Variants in SPAG17 observed in about 807,000 individuals in gnomAD.
The protein encoded by SPAG17 is sperm associated antigen 17.
In SPAG17, 169 loss-of-function variants were observed where a neutral mutation model predicts 273.6. The ratio of observed to expected loss-of-function variants is 0.62; its 90% confidence interval spans 0.55 to 0.70. The LOEUF (loss-of-function observed/expected upper bound fraction) is 0.70. Among genes scored for constraint, SPAG17 ranks in the 30% least tolerant of loss-of-function variants. The pLI is 0.00. For missense variants in SPAG17, 2,557 were observed against 2,627.8 expected (o/e 0.97, Z 0.59); for synonymous variants, 825 against 873.2 (o/e 0.94, Z 0.97).
At chr1:118,169,777 G>T (rs1660334060) in intron 1 of SPAG17, among the ~76,000 whole-genome samples, 1 of 151,960 alleles carries the variant, frequency 6.6e-6, no homozygotes, top group Non-Finnish European at 1.5e-5. Flanking sequence ...CCACTTTCCA[G>T]CCCTTTATAA....
chr1:118,175,021 C>CTTAT (rs5777342), intron 1 of SPAG17, among the ~76,000 whole-genome samples: 1 of 150,584 alleles, frequency 6.6e-6, no homozygotes, highest in African/African-American at 2.5e-5. Context: ...GAAGGGGACT[C>CTTAT]TTATTTATTT....
chr1:118,056,570 T>C (rs1202376355), intron 18 of SPAG17, among the ~76,000 whole-genome samples: 1 of 152,228 alleles, frequency 6.6e-6, no homozygotes, highest in East Asian at 1.9e-4. Flanking sequence ...TATACACTTA[T>C]ATGAACGTCC....
chr1:118,013,712 A>C (rs1253503042), intron 29 of SPAG17, among the ~76,000 whole-genome samples: 2 of 152,166 alleles, frequency 1.3e-5, no homozygotes, highest in African/African-American at 4.8e-5. Flanking sequence ...TTTACATATT[A>C]TGATTTAGAA....
At chr1:118,070,899 C>G (rs1413613471) in intron 17 of SPAG17, among the ~76,000 whole-genome samples, 4 of 152,188 alleles carry the variant, frequency 2.6e-5, no homozygotes, top group Non-Finnish European at 5.9e-5. Context: ...TGACTAGTGG[C>G]TACCACACTG....
intron 29 of SPAG17, among the ~76,000 whole-genome samples, chr1:118,014,640 A>G (rs1314728269): frequency 6.6e-6 from 1 of 152,234 alleles, no homozygotes; most frequent in Non-Finnish European, 1.5e-5. Context: ...AGATCATGTA[A>G]TCCATCTTAA....
In SPAG17 at chr1:117,992,490, T is replaced by C. The variant is rs1657208352; in HGVS notation, c.5337A>G (p.Lys1779=). 1 of 1,611,396 alleles carries C rather than the reference T, an allele frequency of 6.2e-7. No homozygotes were observed. Among genetic ancestry groups the C allele is most frequent in the African/African-American group, 1.3e-5 (1 of 74,680 alleles). Residue 1779 remains lysine, a synonymous_variant, in exon 36 of 49, where the codon AAA becomes AAG. Transcript: ENST00000336338. ...IQHEVIKNEV[K]LRLQVSLKDY... is the part of the protein sequence containing the mutation. ...CCTTAAGGGAAACCTGCAGCCTCAG[T>C]TTCACCTCATTCTTTATGACCTCAT...
intron 43 of SPAG17, among the ~76,000 whole-genome samples, chr1:117,978,407 T>G (rs1194468652): frequency 1.3e-5 from 2 of 152,344 alleles, no homozygotes; most frequent in South Asian, 2.1e-4. Flanking sequence ...CCAGATGCCA[T>G]GTTCTTCCAT....
At position 118,055,877 on chromosome 1, in the gene SPAG17, A is replaced by G. The variant is rs1003692082; in HGVS notation, c.2578T>C (p.Trp860Arg). 6.2e-7 allele frequency: 1 copy of G among 1,608,280 alleles called. No individual in the cohort carries two copies. The highest frequency in any genetic ancestry group is 8.5e-7 in the Non-Finnish European group (1 of 1,178,676). Residue 860 changes from tryptophan to arginine, a missense_variant, in exon 19 of 49, where the codon TGG becomes CGG. Transcript: ENST00000336338. Reference protein sequence around the residue: ...LELVAKSIQDWITKEEAIYQE... With the variant: ...LELVAKSIQDRITKEEAIYQE... The stretch of plus-strand genomic sequence containing the variant: ...TATATAGCTTCTTCTTTTGTAATCC[A>G]ATCTTGAATAGATTTTGCAACAAGT...
intron 13 of SPAG17, among the ~76,000 whole-genome samples, chr1:118,085,451 A>G (rs936483131): frequency 6.6e-6 from 1 of 152,212 alleles, no homozygotes; most frequent in Non-Finnish European, 1.5e-5. Flanking sequence ...ATGATAAAAG[A>G]GTGCAGTGGT....
chr1:118,154,404 T>C (rs1017315757), intron 1 of SPAG17, among the ~76,000 whole-genome samples: 1 of 152,076 alleles, frequency 6.6e-6, no homozygotes, highest in Non-Finnish European at 1.5e-5. Context: ...GATGCACTCA[T>C]TGTGAGCTGC....
intron 20 of SPAG17, among the ~76,000 whole-genome samples, chr1:118,042,291 C>T (rs966548439): frequency 6.6e-6 from 1 of 152,132 alleles, no homozygotes; most frequent in African/African-American, 2.4e-5. Flanking sequence ...GTTTATTTTG[C>T]AATTTCCTTC....
chr1:118,066,953 G>A, intron 17 of SPAG17, 54 bp from the exon 18 acceptor site: 3 of 1,530,764 alleles, frequency 2.0e-6, no homozygotes, highest in Admixed American at 2.0e-5. Flanking sequence ...CCCAAGAGAA[G>A]GGTCTCCTAC....
intron 1 of SPAG17, among the ~76,000 whole-genome samples, chr1:118,159,125 C>T (rs572124588): frequency 1.9e-3 from 285 of 152,326 alleles, no homozygotes; most frequent in African/African-American, 6.6e-3. Context: ...TGGAAGGAGT[C>T]ATGCCTCTGA....
chr1:117,954,077 T>C, intron 48 of SPAG17, 28 bp from the exon 49 acceptor site: 1 of 1,612,136 alleles, frequency 6.2e-7, no homozygotes, highest in Non-Finnish European at 8.5e-7. Context: ...CACAAAGCCA[T>C]TTGTAAAGCT....
chr1:118,155,342 T>C lies in SPAG17; in HGVS notation c.88-3973A>G, dbSNP rs534981914. ...TAAATTTACAACTGTTTTTCTTTCA[T>C]ATATTGCAAATTCTCCAAATTTTAC... On this transcript the variant is annotated intron_variant, in intron 1 of 48. Coordinates refer to ENST00000336338, the MANE Select transcript of SPAG17 (RefSeq NM_206996.4). 1.3e-4 allele frequency among the ~76,000 whole-genome samples: 20 copies of C among 152,356 alleles called. No homozygotes were observed. In the East Asian group the frequency reaches 2.3e-3, roughly 18 times the overall value.
At chr1:118,147,650 T>C (rs1322750534) in intron 3 of SPAG17, among the ~76,000 whole-genome samples, 2 of 152,212 alleles carry the variant, frequency 1.3e-5, no homozygotes, top group African/African-American at 4.8e-5. Flanking sequence ...ATAAAGACTT[T>C]CATATATACA....
intron 19 of SPAG17, 61 bp downstream of exon 19, chr1:118,055,672 T>G (rs1651587010): frequency 7.5e-7 from 1 of 1,328,444 alleles, no homozygotes; most frequent in African/African-American, 1.5e-5. Context: ...CTTGATTAAA[T>G]TAAGAGAGAG....
intron 38 of SPAG17, among the ~76,000 whole-genome samples, chr1:117,989,071 C>T (rs1656764181): frequency 6.6e-6 from 1 of 152,152 alleles, no homozygotes. Context: ...AATTCAAAAG[C>T]TACAGGGTAG....
chr1:118,145,733 A>T (rs1332880853), intron 3 of SPAG17, among the ~76,000 whole-genome samples: 1 of 152,092 alleles, frequency 6.6e-6, no homozygotes, highest in Non-Finnish European at 1.5e-5. Context: ...AAAATTAATA[A>T]TTATTTGCAT....
Sources: gnomAD v4.1 joint callset for allele counts (sites outside exome capture counted in the v4.1 genomes callset) on GRCh38, gnomAD v4.1.1 for gene constraint, MANE v1.5 for transcripts, NCBI Gene and HGNC (gene_info 2026-07-23, HGNC 2026-07-21) for gene names.